Variants in GALNTL6 observed in about 807,000 individuals in gnomAD.
GALNTL6 encodes polypeptide N-acetylgalactosaminyltransferase like 6.
In GALNTL6, 46 loss-of-function variants were observed where a neutral mutation model predicts 73.7. The observed-to-expected ratio is 0.62, with a 90% confidence interval of 0.49 to 0.80. The LOEUF (loss-of-function observed/expected upper bound fraction) is 0.80. Ranked by LOEUF, GALNTL6 falls within the 30% of genes least tolerant of loss-of-function variation. The pLI is 0.00. For missense variants in GALNTL6, 604 were observed against 755.0 expected, an observed-to-expected ratio of 0.80 and a Z score of 2.34; for synonymous variants, 259 against 263.7, an observed-to-expected ratio of 0.98 and a Z score of 0.17.
In GALNTL6 at chr4:172,336,270, G is replaced by GTTTTTTTTTTTTTTTTTTTTTTTTTTTT. The variant is rs138448149; in HGVS notation, c.387-12249_387-12248insTTTTTTTTTTTTTTTTTTTTTTTTTTTT. On this transcript the variant is annotated intron_variant, in intron 4 of 12. Coordinates refer to ENST00000506823, the MANE Select transcript of GALNTL6 (RefSeq NM_001034845.3). ...TGAGAACTCTTCTTGGTATAGTTTT[G>GTTTTTTTTTTTTTTTTTTTTTTTTTTTT]TTTTGTTTTTTTTTTTTTTTGACTG... Among the ~76,000 whole-genome samples, 10 of 108,436 alleles carry GTTTTTTTTTTTTTTTTTTTTTTTTTTTT rather than the reference G, an allele frequency of 9.2e-5. 5 individuals carry two copies. The highest frequency in any genetic ancestry group is 2.3e-4 in the Admixed American group (2 of 8,882). The allele number at this position is 108,436 out of a possible 152,430, so 71.1% of individuals were successfully genotyped here.
chr4:172,649,462 A>G (rs1162957228), intron 5 of GALNTL6, among the ~76,000 whole-genome samples: 1 of 152,224 alleles, frequency 6.6e-6, no homozygotes, highest in African/African-American at 2.4e-5. Context: ...ATGAATTTTT[A>G]AAAGAAACTG....
intron 2 of GALNTL6, among the ~76,000 whole-genome samples, chr4:171,855,203 C>T (rs1336526030): frequency 2.0e-5 from 3 of 152,154 alleles, no homozygotes; most frequent in East Asian, 1.9e-4. Context: ...TATAATGGCA[C>T]ATATTCACCC....
At chr4:172,492,795 T>A (rs1733942562) in intron 5 of GALNTL6, among the ~76,000 whole-genome samples, 1 of 152,166 alleles carries the variant, frequency 6.6e-6, no homozygotes, top group Non-Finnish European at 1.5e-5. Context: ...TACTAAATGT[T>A]TAATATAACA....
chr4:172,999,336 A>C (rs1242939364), intron 10 of GALNTL6, among the ~76,000 whole-genome samples: 2 of 152,144 alleles, frequency 1.3e-5, no homozygotes, highest in Non-Finnish European at 2.9e-5. Context: ...AAAACTGTGC[A>C]TGCGTGCGCA....
intron 5 of GALNTL6, among the ~76,000 whole-genome samples, chr4:172,411,425 T>A (rs996857403): frequency 6.6e-6 from 1 of 152,088 alleles, no homozygotes; most frequent in African/African-American, 2.4e-5. Flanking sequence ...GGAATCTGGT[T>A]TTCGCCTGCA....
intron 2 of GALNTL6, among the ~76,000 whole-genome samples, chr4:172,214,371 A>AT (rs922307037): frequency 4.0e-5 from 6 of 149,844 alleles, no homozygotes; most frequent in African/African-American, 9.8e-5. Context: ...AGTCTTCTCT[A>AT]TTTTTTTTTC....
At chr4:171,920,762 G>GA (rs1393346616) in intron 2 of GALNTL6, among the ~76,000 whole-genome samples, 9 of 151,990 alleles carry the variant, frequency 5.9e-5, no homozygotes, top group Non-Finnish European at 4.4e-5. Flanking sequence ...CATTTTCAAA[G>GA]AAAGAATATT....
chr4:171,894,303 C>T (rs563218577), intron 2 of GALNTL6, among the ~76,000 whole-genome samples: 59 of 152,146 alleles, frequency 3.9e-4, no homozygotes, highest in Non-Finnish European at 7.2e-4. Context: ...AGGCAGAGGT[C>T]TTAGTCAAGA....
intron 9 of GALNTL6, among the ~76,000 whole-genome samples, chr4:172,947,410 T>C (rs1283115626): frequency 3.3e-5 from 5 of 152,136 alleles, no homozygotes; most frequent in African/African-American, 1.2e-4. Flanking sequence ...GACATGCAAT[T>C]TGAGGTTAAA....
intron 5 of GALNTL6, among the ~76,000 whole-genome samples, chr4:172,529,510 G>C (rs1735093561): frequency 6.6e-6 from 1 of 151,922 alleles, no homozygotes; most frequent in Non-Finnish European, 1.5e-5. Flanking sequence ...AGAATGTTTT[G>C]ATAGCATTTT....
chr4:171,817,916 T>G (rs545506360), intron 2 of GALNTL6, among the ~76,000 whole-genome samples: 3 of 151,554 alleles, frequency 2.0e-5, no homozygotes, highest in Non-Finnish European at 4.4e-5. Flanking sequence ...TTTTAAATTT[T>G]TATTTAGATG....
chr4:172,416,622 TATAA>T (rs1412770359), intron 5 of GALNTL6, among the ~76,000 whole-genome samples: 11 of 152,162 alleles, frequency 7.2e-5, no homozygotes, highest in African/African-American at 1.4e-4. Context: ...TTTTTATTGA[TATAA>T]ATAAAGAGGA....
chr4:172,586,901 C>A (rs533694847), intron 5 of GALNTL6, among the ~76,000 whole-genome samples: 1 of 152,306 alleles, frequency 6.6e-6, no homozygotes, highest in East Asian at 1.9e-4. Context: ...TTGTGCCAAA[C>A]TTGACCTTCT....
intron 10 of GALNTL6, among the ~76,000 whole-genome samples, chr4:172,971,497 A>G (rs1398298246): frequency 6.6e-6 from 1 of 152,208 alleles, no homozygotes; most frequent in Non-Finnish European, 1.5e-5. Flanking sequence ...ATAATCTGAC[A>G]ATGTAGAAAT....
chr4:172,760,734 G>A (rs1579446346), intron 5 of GALNTL6, among the ~76,000 whole-genome samples: 1 of 152,132 alleles, frequency 6.6e-6, no homozygotes, highest in Non-Finnish European at 1.5e-5. Flanking sequence ...TGTGAGTTCT[G>A]TCTTCTAGGA....
At chr4:172,692,587 A>G (rs1733380083) in intron 5 of GALNTL6, among the ~76,000 whole-genome samples, 1 of 152,038 alleles carries the variant, frequency 6.6e-6, no homozygotes, top group Admixed American at 6.6e-5. Flanking sequence ...AGTCAGTTCA[A>G]ATTATTTTTT....
chr4:171,949,289 G>A (rs991245865), intron 2 of GALNTL6, among the ~76,000 whole-genome samples: 3 of 152,086 alleles, frequency 2.0e-5, no homozygotes, highest in Non-Finnish European at 4.4e-5. Context: ...GCAATAACAA[G>A]CAAATGTATC....
At chr4:172,048,813 A>C (rs1742288719) in intron 2 of GALNTL6, among the ~76,000 whole-genome samples, 1 of 152,150 alleles carries the variant, frequency 6.6e-6, no homozygotes, top group Non-Finnish European at 1.5e-5. Flanking sequence ...AACTGCATGC[A>C]GAGCACAATG....
intron 2 of GALNTL6, among the ~76,000 whole-genome samples, chr4:172,049,195 T>G (rs1041413849): frequency 6.6e-6 from 1 of 151,980 alleles, no homozygotes; most frequent in Non-Finnish European, 1.5e-5. Context: ...GTGGGTCTAG[T>G]TTGATTTGTA....
Sources: allele counts gnomAD v4.1 joint callset (sites outside exome capture counted in the v4.1 genomes callset), GRCh38; gene constraint gnomAD v4.1.1; transcripts MANE v1.5; gene names NCBI Gene and HGNC (gene_info 2026-07-23, HGNC 2026-07-21).